CNTN5: variants seen among roughly 807,000 people sequenced by gnomAD.
The protein encoded by CNTN5 is contactin 5, also known as contactin-5.
CNTN5 carries 77 observed loss-of-function variants against 129.1 expected under a neutral mutation model. That is an observed-to-expected ratio of 0.60 (90% CI 0.50 to 0.72). CNTN5 has a LOEUF of 0.72. Among genes scored for constraint, CNTN5 ranks in the 30% least tolerant of loss-of-function variants. The pLI is 0.00. For missense variants in CNTN5, 1,478 were observed against 1,328.8 expected (o/e 1.11, Z -1.75); for synonymous variants, 509 against 465.6 (o/e 1.09, Z -1.20).
intron 15 of CNTN5, among the ~76,000 whole-genome samples, chr11:100,216,729 G>A (rs369415721): frequency 6.6e-6 from 1 of 152,046 alleles, no homozygotes; most frequent in East Asian, 1.9e-4. Flanking sequence ...AAAAGCATGA[G>A]CTTTTCAAAT....
At chr11:99,744,831 A>G (rs1286533074) in intron 3 of CNTN5, among the ~76,000 whole-genome samples, 3 of 152,144 alleles carry the variant, frequency 2.0e-5, no homozygotes. Flanking sequence ...AGAAGAAGTA[A>G]AGCACATACT....
chr11:99,889,485 G>A (rs553091952), intron 6 of CNTN5, among the ~76,000 whole-genome samples: 1 of 147,712 alleles, frequency 6.8e-6, no homozygotes, highest in East Asian at 2.0e-4. Context: ...AGTCCAACAA[G>A]CTCAAAACAT....
intron 6 of CNTN5, among the ~76,000 whole-genome samples, chr11:99,875,356 A>G (rs1183818763): frequency 6.6e-6 from 1 of 152,150 alleles, no homozygotes; most frequent in Non-Finnish European, 1.5e-5. Context: ...GAATCTGTTT[A>G]TCATAACTGG....
intron 10 of CNTN5, among the ~76,000 whole-genome samples, chr11:100,065,400 T>C (rs1943659259): frequency 6.6e-6 from 1 of 152,080 alleles, no homozygotes; most frequent in South Asian, 2.1e-4. Context: ...TTTTATAATG[T>C]CCACTATGAA....
chr11:99,039,570 G>A (rs1863904203), intron 1 of CNTN5, among the ~76,000 whole-genome samples: 1 of 152,150 alleles, frequency 6.6e-6, no homozygotes, highest in African/African-American at 2.4e-5. Context: ...AAGAGAGAGT[G>A]TGCAAGTGTC....
At chr11:99,450,014 T>C (rs959021683) in intron 2 of CNTN5, among the ~76,000 whole-genome samples, 1 of 152,064 alleles carries the variant, frequency 6.6e-6, no homozygotes, top group Admixed American at 6.6e-5. Context: ...GACAAACTGA[T>C]GCACAGAAAA....
chr11:99,173,391 A>T (rs1049852565), intron 1 of CNTN5, among the ~76,000 whole-genome samples: 1 of 152,218 alleles, frequency 6.6e-6, no homozygotes, highest in African/African-American at 2.4e-5. Context: ...TCAGCCAGTA[A>T]TGGAAAAAGA....
chr11:99,886,338 A>G (rs1377751722), intron 6 of CNTN5, among the ~76,000 whole-genome samples: 1 of 152,140 alleles, frequency 6.6e-6, no homozygotes, highest in Non-Finnish European at 1.5e-5. Context: ...ACTTCTACAA[A>G]TTAAAATATG....
chr11:99,395,021 T>C (rs1941448084), intron 2 of CNTN5, among the ~76,000 whole-genome samples: 1 of 151,944 alleles, frequency 6.6e-6, no homozygotes, highest in South Asian at 2.1e-4. Context: ...TGTGACTTTA[T>C]AATAGAACGA....
intron 2 of CNTN5, among the ~76,000 whole-genome samples, chr11:99,444,081 C>T (rs1054969713): frequency 1.3e-5 from 2 of 151,604 alleles, no homozygotes; most frequent in Non-Finnish European, 2.9e-5. Flanking sequence ...GCCTGTAGTC[C>T]CAGCTCTTCG....
At chr11:100,157,635 A>G (rs1042845344) in intron 13 of CNTN5, among the ~76,000 whole-genome samples, 2 of 151,870 alleles carry the variant, frequency 1.3e-5, no homozygotes, top group Admixed American at 1.3e-4. Flanking sequence ...GAAAAATTGT[A>G]AAGATTCACA....
chr11:99,225,867 A>G (rs1192891064), intron 1 of CNTN5, among the ~76,000 whole-genome samples: 1 of 152,160 alleles, frequency 6.6e-6, no homozygotes, highest in Non-Finnish European at 1.5e-5. Flanking sequence ...GTCCAAATGG[A>G]TAAGGATGCA....
intron 19 of CNTN5, 38 bp downstream of exon 19, chr11:100,297,733 G>A: frequency 6.9e-7 from 1 of 1,439,432 alleles, no homozygotes; most frequent in African/African-American, 1.4e-5. Context: ...TACTCCACGT[G>A]TTTGTTTGGC....
At chr11:99,886,936 T>G (rs763377011) in intron 6 of CNTN5, among the ~76,000 whole-genome samples, 16 of 152,090 alleles carry the variant, frequency 1.1e-4, no homozygotes, top group Non-Finnish European at 2.2e-4. Flanking sequence ...CTCAAAATAT[T>G]AGGAGAGGGG....
At chr11:100,219,450 C>G (rs1053099473) in intron 15 of CNTN5, among the ~76,000 whole-genome samples, 9 of 152,204 alleles carry the variant, frequency 5.9e-5, no homozygotes, top group Non-Finnish European at 1.3e-4. Context: ...TCAGCCCTCT[C>G]TTTACCTTGG....
At chr11:99,636,659 A>G (rs1449189067) in intron 3 of CNTN5, among the ~76,000 whole-genome samples, 1 of 151,952 alleles carries the variant, frequency 6.6e-6, no homozygotes, top group Non-Finnish European at 1.5e-5. Flanking sequence ...AAAGGCCAAA[A>G]CTTGATCAGG....
At chr11:99,366,797 G>A (rs537472114) in intron 2 of CNTN5, among the ~76,000 whole-genome samples, 31 of 152,208 alleles carry the variant, frequency 2.0e-4, no homozygotes, top group African/African-American at 7.5e-4. Context: ...AAAATATCTC[G>A]CCAGAGGAGT....
At chr11:99,117,548 C>G (rs1858101189) in intron 1 of CNTN5, among the ~76,000 whole-genome samples, 1 of 152,088 alleles carries the variant, frequency 6.6e-6, no homozygotes, top group African/African-American at 2.4e-5. Flanking sequence ...TGTTCATTAT[C>G]ATTGTTAAAT....
intron 2 of CNTN5, among the ~76,000 whole-genome samples, chr11:99,551,710 G>T (rs189961501): frequency 6.6e-6 from 1 of 152,078 alleles, no homozygotes; most frequent in Non-Finnish European, 1.5e-5. Flanking sequence ...CTAGGCTACA[G>T]ACCTGTACAG....
Sources: gnomAD v4.1 joint callset for allele counts (sites outside exome capture counted in the v4.1 genomes callset) on GRCh38, gnomAD v4.1.1 for gene constraint, MANE v1.5 for transcripts, NCBI Gene and HGNC (gene_info 2026-07-23, HGNC 2026-07-21) for gene names.